Variants in BEGAIN observed in about 807,000 individuals in gnomAD.
BEGAIN encodes brain-enriched guanylate kinase-associated protein.
In BEGAIN, 19 loss-of-function variants were observed where a neutral mutation model predicts 35.8. The ratio of observed to expected loss-of-function variants is 0.53; its 90% confidence interval spans 0.37 to 0.78. The LOEUF (loss-of-function observed/expected upper bound fraction) is 0.78, where lower values mean the gene tolerates loss of function less well. Ranked by LOEUF, BEGAIN falls within the 30% of genes least tolerant of loss-of-function variation. The probability of loss-of-function intolerance (pLI) is 0.00; values close to 1 mark genes in which losing one functional copy is unlikely to be tolerated. For synonymous variants in BEGAIN, 462 were observed against 388.6 expected, an observed-to-expected ratio of 1.19 and a Z score of -2.22; for missense variants, 795 against 853.6, an observed-to-expected ratio of 0.93 and a Z score of 0.85.
intron 1 of BEGAIN, among the ~76,000 whole-genome samples, chr14:100,583,234 A>C (rs1240527685): frequency 6.6e-6 from 1 of 151,596 alleles, no homozygotes; most frequent in Non-Finnish European, 1.5e-5. Context: ...TTGTGCACTG[A>C]GCTGCCTTCT....
chr14:100,537,892 G>C lies in BEGAIN; in HGVS notation c.*77C>G, dbSNP rs1170003408. 6.7e-7 allele frequency: 1 copy of C among 1,500,612 alleles called. No homozygotes were observed. The highest frequency in any genetic ancestry group is 1.4e-5 in the African/African-American group (1 of 70,738). 93.0% of individuals were successfully genotyped at this position (1,500,612 alleles called of 1,614,324 possible). A position where few individuals can be genotyped will look rare whatever the true frequency, so the allele number is the denominator to read the frequency against. On this transcript the variant is annotated 3_prime_UTR_variant, in exon 7 of 7. Coordinates refer to ENST00000554140, the MANE Select transcript of BEGAIN (RefSeq NM_001385089.1). Reference sequence around the variant, plus strand: ...CGGGGCAGGGGAACAGCGGGGGCTGGGGAGAGGTGAGGCCGGCCCTTCTGG... The same window carrying C: ...CGGGGCAGGGGAACAGCGGGGGCTGCGGAGAGGTGAGGCCGGCCCTTCTGG...
At chr14:100,570,389 T>C (rs1421735297) in intron 1 of BEGAIN, among the ~76,000 whole-genome samples, 1 of 152,124 alleles carries the variant, frequency 6.6e-6, no homozygotes, top group Non-Finnish European at 1.5e-5. Context: ...TCAAGCCTAT[T>C]CTAGAGCCTG....
intron 1 of BEGAIN, among the ~76,000 whole-genome samples, chr14:100,579,525 T>C (rs1482821139): frequency 2.0e-5 from 3 of 152,246 alleles, no homozygotes; most frequent in Non-Finnish European, 2.9e-5. Flanking sequence ...GCCCAGGCCC[T>C]TGGCCTGGTG....
At chr14:100,578,677 C>T (rs918217206) in intron 1 of BEGAIN, among the ~76,000 whole-genome samples, 1 of 152,158 alleles carries the variant, frequency 6.6e-6, no homozygotes, top group East Asian at 1.9e-4. Flanking sequence ...CAACCTCCTG[C>T]TTCTTCTCTA....
At chr14:100,574,886 C>T (rs974900010) in intron 1 of BEGAIN, among the ~76,000 whole-genome samples, 2 of 152,194 alleles carry the variant, frequency 1.3e-5, no homozygotes, top group African/African-American at 4.8e-5. Flanking sequence ...CAGGGCCATG[C>T]CCCTGGCCCT....
At chr14:100,559,210 C>T (rs115169972) in intron 2 of BEGAIN, among the ~76,000 whole-genome samples, 2,494 of 152,172 alleles carry the variant, frequency 0.016, 69 homozygotes, top group African/African-American at 0.057. Flanking sequence ...GCGGTGGGCC[C>T]AGGAGGCTCC....
At chr14:100,554,253 G>A (rs1193962490) in intron 2 of BEGAIN, among the ~76,000 whole-genome samples, 2 of 152,182 alleles carry the variant, frequency 1.3e-5, no homozygotes, top group Non-Finnish European at 2.9e-5. Context: ...CCCACTTGAC[G>A]TCACGACAGT....
chr14:100,539,285 G>T lies in BEGAIN; in HGVS notation c.523C>A (p.Leu175Met). 6.4e-7 allele frequency: 1 copy of T among 1,573,140 alleles called. No individual in the cohort carries two copies. The change falls in exon 7 of 7, where the codon CTG becomes ATG. Residue 175 changes from leucine (L) to methionine (M), a missense_variant. Leu to Met is a conservative substitution (Grantham distance 15, BLOSUM62 2). This residue lies in a region of BEGAIN where 664 missense variants were observed against 647.7 expected (regional missense o/e 1.03). Transcript: ENST00000554140. ...LPSDFQERVSLHMEKHGCSLP... is the reference protein window; with the variant it reads ...LPSDFQERVSMHMEKHGCSLP... ...CTGCAGCCGTGCTTCTCCATGTGCA[G>T]GCTCACGCGCTCCTGGAAATCCGAG...
Position 100,554,257 on chromosome 14 carries a change from C to T in BEGAIN, c.72-7595G>A, listed in dbSNP as rs540648799. ...GCTCCCATCCTCCCACTTGACGTCA[C>T]GACAGTGGGGTGGGGCTGGGCTGCG... On this transcript the variant is annotated intron_variant, in intron 2 of 6. Coordinates refer to ENST00000554140, the MANE Select transcript of BEGAIN (RefSeq NM_001385089.1). 1.1e-3 allele frequency among the ~76,000 whole-genome samples: 164 copies of T among 152,304 alleles called. 1 individual carries two copies. Among genetic ancestry groups the T allele is most frequent in the African/African-American group, 3.6e-3 (148 of 41,566 alleles).
chr14:100,553,524 A>G (rs2033406912), intron 2 of BEGAIN, among the ~76,000 whole-genome samples: 1 of 152,144 alleles, frequency 6.6e-6, no homozygotes, highest in African/African-American at 2.4e-5. Flanking sequence ...CAACTGTCCC[A>G]TACAGGCCTT....
intron 2 of BEGAIN, among the ~76,000 whole-genome samples, chr14:100,561,453 C>T (rs1027952349): frequency 9.2e-5 from 14 of 152,148 alleles, no homozygotes; most frequent in African/African-American, 3.4e-4. Context: ...AGAAAGCTTC[C>T]GAAATCTGCC....
At position 100,568,403 on chromosome 14, in the gene BEGAIN, G is replaced by A. The variant is rs918859015; in HGVS notation, c.43-464C>T. On this transcript the variant is annotated intron_variant, in intron 1 of 6. Transcript: ENST00000554140. The surrounding 1 kb of genome is among the most constrained non-coding windows in gnomAD (Gnocchi z 7.5). ...AGAACCTCCGAGTCGGAGAATGTTG[G>A]GGAATTCGGGGCCGTGCAGGATTGC... The A allele has an allele frequency of 4.8e-6, 6 of 1,259,356 alleles. No homozygotes were observed. The highest frequency in any genetic ancestry group is 6.2e-6 in the Non-Finnish European group (6 of 968,322). 78.0% of individuals were successfully genotyped at this position (1,259,356 alleles called of 1,614,324 possible). A position where few individuals can be genotyped will look rare whatever the true frequency, so the allele number is the denominator to read the frequency against.
intron 1 of BEGAIN, among the ~76,000 whole-genome samples, chr14:100,571,788 G>C (rs1386824853): frequency 6.6e-6 from 1 of 152,158 alleles, no homozygotes; most frequent in African/African-American, 2.4e-5. Context: ...TGGCTGCCTT[G>C]CTGGCTCCAG....
intron 2 of BEGAIN, among the ~76,000 whole-genome samples, chr14:100,553,367 T>G (rs750252101): frequency 3.9e-5 from 6 of 152,002 alleles, no homozygotes; most frequent in Non-Finnish European, 1.5e-5. Flanking sequence ...CCCACCCCAT[T>G]CCAGGGCAGA....
chr14:100,579,795 C>T (rs2035278379), intron 1 of BEGAIN, among the ~76,000 whole-genome samples: 1 of 152,202 alleles, frequency 6.6e-6, no homozygotes, highest in South Asian at 2.1e-4. Flanking sequence ...CAACTCTTTC[C>T]TTCCCTCTTC....
At chr14:100,559,335 C>T (rs2034035973) in intron 2 of BEGAIN, among the ~76,000 whole-genome samples, 1 of 152,194 alleles carries the variant, frequency 6.6e-6, no homozygotes, top group Admixed American at 6.5e-5. Flanking sequence ...GGGCCGTGCA[C>T]ACCTTGGCCC....
At chr14:100,556,560 C>A (rs1595128978) in intron 2 of BEGAIN, among the ~76,000 whole-genome samples, 1 of 152,164 alleles carries the variant, frequency 6.6e-6, no homozygotes, top group East Asian at 1.9e-4. Flanking sequence ...CTCTGTTCAC[C>A]CCCTCCAGGA....
chr14:100,546,331 C>T (rs1289723440), intron 3 of BEGAIN, 170 bp downstream of exon 3: 1 of 497,130 alleles, frequency 2.0e-6, no homozygotes, highest in South Asian at 7.0e-5. Context: ...GGCCTCGGGC[C>T]CTGCCCCACC....
chr14:100,540,183 C>T (rs967387772), intron 6 of BEGAIN: 1 of 379,486 alleles, frequency 2.6e-6, no homozygotes, highest in African/African-American at 2.0e-5. Flanking sequence ...CCACAAAGGT[C>T]ACTCTGCCGT....
Sources: gnomAD v4.1 joint callset for allele counts (sites outside exome capture counted in the v4.1 genomes callset) on GRCh38, gnomAD v4.1.1 for gene constraint, gnomAD v4.1.1 regional missense constraint, Gnocchi (gnomAD v3.1) non-coding constraint, MANE v1.5 for transcripts, NCBI Gene and HGNC (gene_info 2026-07-23, HGNC 2026-07-21) for gene names.